NRXN3: variants seen among roughly 807,000 people sequenced by gnomAD.
The protein encoded by NRXN3 is neurexin 3.
NRXN3 carries 32 observed loss-of-function variants against 137.6 expected under a neutral mutation model. That is an observed-to-expected ratio of 0.23 (90% CI 0.18 to 0.31). The LOEUF is 0.31. Ranked by LOEUF, NRXN3 falls within the 10% of genes least tolerant of loss-of-function variation. The probability of loss-of-function intolerance (pLI) is 1.00; values close to 1 mark genes in which losing one functional copy is unlikely to be tolerated. For missense variants in NRXN3, 1,574 were observed against 2,062.5 expected, an observed-to-expected ratio of 0.76 and a Z score of 4.59; for synonymous variants, 798 against 784.5, an observed-to-expected ratio of 1.02 and a Z score of -0.29.
chr14:78,561,897 G>T (rs1600497114), intron 4 of NRXN3, among the ~76,000 whole-genome samples: 2 of 152,294 alleles, frequency 1.3e-5, no homozygotes, highest in African/African-American at 2.4e-5. Context: ...CTCCAAGGAG[G>T]CATAGGAGTT....
intron 4 of NRXN3, among the ~76,000 whole-genome samples, chr14:78,322,187 A>T (rs2079458883): frequency 6.6e-6 from 1 of 152,024 alleles, no homozygotes. Context: ...AAATGAAATA[A>T]GCCAAACCCT....
chr14:78,360,233 A>T (rs1384644388), intron 4 of NRXN3, among the ~76,000 whole-genome samples: 1 of 152,118 alleles, frequency 6.6e-6, no homozygotes, highest in Admixed American at 6.6e-5. Context: ...ACCTTCTTAA[A>T]GATGCAAGTT....
chr14:78,609,892 T>C (rs1280880386), intron 4 of NRXN3, among the ~76,000 whole-genome samples: 1 of 152,128 alleles, frequency 6.6e-6, no homozygotes, highest in Non-Finnish European at 1.5e-5. Context: ...TTCAGGGATC[T>C]TGGAAAACGT....
intron 15 of NRXN3, among the ~76,000 whole-genome samples, chr14:79,423,480 A>G (rs930190639): frequency 6.6e-6 from 1 of 152,246 alleles, no homozygotes; most frequent in Admixed American, 6.5e-5. Flanking sequence ...AAAATTTCAA[A>G]TGACTAGAAG....
At chr14:79,245,239 A>G (rs1344815047) in intron 15 of NRXN3, among the ~76,000 whole-genome samples, 1 of 152,158 alleles carries the variant, frequency 6.6e-6, no homozygotes, top group Non-Finnish European at 1.5e-5. Context: ...GCCTTCCTTG[A>G]TGTGGCCAAG....
At chr14:78,471,761 C>G (rs554934471) in intron 4 of NRXN3, among the ~76,000 whole-genome samples, 24 of 152,068 alleles carry the variant, frequency 1.6e-4, no homozygotes, top group African/African-American at 5.6e-4. Context: ...TCAGCTACCC[C>G]CCTAGAAAGT....
At chr14:78,530,698 T>C (rs565074319) in intron 4 of NRXN3, among the ~76,000 whole-genome samples, 22 of 152,312 alleles carry the variant, frequency 1.4e-4, no homozygotes, top group African/African-American at 4.8e-4. Flanking sequence ...GGGCAAGAAT[T>C]ACAAAAGCAG....
At chr14:79,712,198 T>A (rs946789405) in intron 19 of NRXN3, among the ~76,000 whole-genome samples, 2 of 152,344 alleles carry the variant, frequency 1.3e-5, no homozygotes, top group East Asian at 3.9e-4. Context: ...TTTCAGACAT[T>A]TCCCTTCATA....
intron 16 of NRXN3, among the ~76,000 whole-genome samples, chr14:79,557,527 C>T (rs758686876): frequency 3.9e-5 from 6 of 152,136 alleles, no homozygotes; most frequent in Non-Finnish European, 7.4e-5. Flanking sequence ...AAGTGAGTCA[C>T]ACAAATTTTT....
At chr14:78,518,518 C>T (rs1242281921) in intron 4 of NRXN3, among the ~76,000 whole-genome samples, 1 of 152,054 alleles carries the variant, frequency 6.6e-6, no homozygotes, top group Non-Finnish European at 1.5e-5. Flanking sequence ...GCTTGAGAAC[C>T]AATGAGAGTG....
chr14:79,576,792 A>G (rs2097668905), intron 16 of NRXN3, among the ~76,000 whole-genome samples: 1 of 152,160 alleles, frequency 6.6e-6, no homozygotes, highest in East Asian at 1.9e-4. Context: ...CATCTCTCAT[A>G]TTATCCTAAG....
rs759156319 is a variant in NRXN3 at position 78,709,603 on chromosome 14, A to G, written c.1608A>G (p.Lys536=). Residue 536 remains lysine (K), a synonymous_variant, in exon 7 of 21, where the codon AAA becomes AAG. Coordinates refer to ENST00000335750, the MANE Select transcript of NRXN3 (RefSeq NM_001330195.2). Reference sequence around the variant, plus strand: ...TCAAAGTGAAAGCCACTCAGAAGAAAGCCAATGATGGGGAATGGTACCATG... The same window carrying G: ...TCAAAGTGAAAGCCACTCAGAAGAAGGCCAATGATGGGGAATGGTACCATG... ...GTIKVKATQK[K]ANDGEWYHVD... 3 of 1,613,862 alleles carry G rather than the reference A, an allele frequency of 1.9e-6. No individual in the cohort carries two copies. Among genetic ancestry groups the G allele is most frequent in the African/African-American group, 2.7e-5 (2 of 74,906 alleles).
At chr14:79,126,011 T>C (rs978332179) in intron 15 of NRXN3, among the ~76,000 whole-genome samples, 2 of 152,132 alleles carry the variant, frequency 1.3e-5, no homozygotes, top group African/African-American at 4.8e-5. Flanking sequence ...TTGCACTGAT[T>C]GGACATCACA....
chr14:79,020,557 G>A (rs529595125), intron 15 of NRXN3, among the ~76,000 whole-genome samples: 3 of 151,294 alleles, frequency 2.0e-5, no homozygotes, highest in Admixed American at 6.6e-5. Flanking sequence ...GAGCCACCAC[G>A]CCTGGCCGAC....
chr14:78,203,681 T>A (rs1011346713), intron 1 of NRXN3, among the ~76,000 whole-genome samples: 3 of 152,206 alleles, frequency 2.0e-5, no homozygotes, highest in African/African-American at 7.2e-5. Context: ...CTTTATGTGA[T>A]ACAAATGATA....
At chr14:78,367,037 A>G (rs1377640855) in intron 4 of NRXN3, among the ~76,000 whole-genome samples, 1 of 152,128 alleles carries the variant, frequency 6.6e-6, no homozygotes, top group Non-Finnish European at 1.5e-5. Context: ...AATCAATCCA[A>G]TAGACTCATT....
chr14:78,942,146 T>C (rs1173374056), intron 10 of NRXN3, among the ~76,000 whole-genome samples: 1 of 152,208 alleles, frequency 6.6e-6, no homozygotes, highest in Non-Finnish European at 1.5e-5. Context: ...AGAGTTACCC[T>C]AACAGAATAT....
intron 15 of NRXN3, among the ~76,000 whole-genome samples, chr14:79,059,681 GC>G (rs2099671739): frequency 1.3e-5 from 2 of 152,246 alleles, no homozygotes; most frequent in African/African-American, 4.8e-5. Flanking sequence ...CCTCAAGTCA[GC>G]TTTTTGGCTT....
intron 15 of NRXN3, among the ~76,000 whole-genome samples, chr14:79,118,106 T>C (rs1397672314): frequency 6.9e-6 from 1 of 145,262 alleles, no homozygotes; most frequent in Non-Finnish European, 1.5e-5. Context: ...AGTAGAGGAA[T>C]GGTGAATCCC....
Sources: allele counts gnomAD v4.1 joint callset (sites outside exome capture counted in the v4.1 genomes callset), GRCh38; gene constraint gnomAD v4.1.1; transcripts MANE v1.5; gene names NCBI Gene and HGNC (gene_info 2026-07-23, HGNC 2026-07-21).